The following UMAD1 variants were observed in gnomAD, a reference collection of about 807,000 sequenced individuals.
UMAD1 encodes the protein UBAP1-MVB12-associated (UMA)-domain containing protein 1.
Under a neutral mutation model 6.1 loss-of-function variants are expected in UMAD1, and 8 were observed. That is an observed-to-expected ratio of 1.30 (90% CI 0.76 to 2.35). The LOEUF (loss-of-function observed/expected upper bound fraction) is 2.35, where lower values mean the gene tolerates loss of function less well. Among genes scored for constraint, UMAD1 ranks in the 30% most tolerant of loss-of-function variants. UMAD1 has a pLI of 0.00. For missense variants in UMAD1, 130 were observed against 78.4 expected (o/e 1.66, Z -2.49); for synonymous variants, 56 against 31.4 (o/e 1.78, Z -2.61).
intron 2 of UMAD1, among the ~76,000 whole-genome samples, chr7:7,761,636 A>C (rs1456172318): frequency 6.6e-6 from 1 of 152,250 alleles, no homozygotes; most frequent in Non-Finnish European, 1.5e-5. Context: ...GTTAGTAGTG[A>C]CATTAATAGA....
rs530069862 is a variant in UMAD1, at chr7:7,738,242, A to G, written c.83-63428A>G. Among the ~76,000 whole-genome samples the G allele has an allele frequency of 2.6e-5, 4 of 152,350 alleles. No homozygotes were observed. In the South Asian group the frequency reaches 6.2e-4, roughly 24 times the overall value. ...TATATTTTGTAAAATTTTTTCCAGCATGGGATCTGACTCTCTGAACCTGAA... is the reference window on the plus strand; with the variant it reads ...TATATTTTGTAAAATTTTTTCCAGCGTGGGATCTGACTCTCTGAACCTGAA... On this transcript the variant is annotated intron_variant, in intron 2 of 3. Transcript: ENST00000682710.
intron 3 of UMAD1, among the ~76,000 whole-genome samples, chr7:7,824,253 C>G (rs1783300493): frequency 6.6e-6 from 1 of 152,098 alleles, no homozygotes; most frequent in Admixed American, 6.6e-5. Flanking sequence ...GGCTCACCTT[C>G]AGTAACTACT....
intron 3 of UMAD1, among the ~76,000 whole-genome samples, chr7:7,860,692 G>A (rs1297753748): frequency 3.3e-5 from 5 of 149,942 alleles, no homozygotes; most frequent in Non-Finnish European, 5.9e-5. Context: ...GGAGAATGGC[G>A]CGAACCCAGG....
chr7:7,671,709 C>A (rs1218210490), intron 1 of UMAD1, among the ~76,000 whole-genome samples: 1 of 151,936 alleles, frequency 6.6e-6, no homozygotes, highest in Non-Finnish European at 1.5e-5. Context: ...GTCTTTTCAT[C>A]CTTTTCTTTT....
intron 3 of UMAD1, among the ~76,000 whole-genome samples, chr7:7,841,637 G>A (rs1419364031): frequency 1.3e-5 from 2 of 152,066 alleles, no homozygotes; most frequent in African/African-American, 4.8e-5. Flanking sequence ...AATTGCATAC[G>A]AAAATATATT....
chr7:7,780,411 G>GTTT, intron 2 of UMAD1, among the ~76,000 whole-genome samples: 1 of 152,254 alleles, frequency 6.6e-6, no homozygotes, highest in South Asian at 2.1e-4. Flanking sequence ...TTTATGCACA[G>GTTT]ATATTTTATA....
intron 2 of UMAD1, among the ~76,000 whole-genome samples, chr7:7,751,627 C>T (rs1242525366): frequency 6.6e-6 from 1 of 152,132 alleles, no homozygotes; most frequent in Non-Finnish European, 1.5e-5. Context: ...CACCCAGCTC[C>T]TCCTGGGCTT....
In UMAD1 at chr7:7,817,462, TC is replaced by T. The variant is rs766391441; in HGVS notation, c.156+15720del. Among the ~76,000 whole-genome samples the T allele has an allele frequency of 5.7e-4, 87 of 152,320 alleles. 1 individual carries two copies. The Middle Eastern group carries it at 0.01, about 18-fold the overall frequency. On this transcript the variant is annotated intron_variant, in intron 3 of 3. Transcript: ENST00000682710. ...TAACTTTGGATAACCTCCTTACCTTTCGGTGCTAGAGTAATGGGAATATATT... is the reference window on the plus strand; with the variant it reads ...TAACTTTGGATAACCTCCTTACCTTTGGTGCTAGAGTAATGGGAATATATT...
intron 2 of UMAD1, among the ~76,000 whole-genome samples, chr7:7,793,362 A>G (rs1454141396): frequency 1.3e-5 from 2 of 152,176 alleles, no homozygotes; most frequent in Non-Finnish European, 2.9e-5. Flanking sequence ...TAGAATAATG[A>G]GTGTGACTGA....
At chr7:7,847,051 T>G in intron 3 of UMAD1, among the ~76,000 whole-genome samples, 2 of 13,854 alleles carry the variant, frequency 1.4e-4, no homozygotes, top group South Asian at 2.8e-3. Context: ...AAACTTAGAG[T>G]ATAATAAAAA....
At chr7:7,795,037 A>G (rs1423150249) in intron 2 of UMAD1, among the ~76,000 whole-genome samples, 3 of 152,208 alleles carry the variant, frequency 2.0e-5, no homozygotes, top group Admixed American at 1.3e-4. Flanking sequence ...TTTGAATCCA[A>G]CTATGACTTG....
At chr7:7,686,907 C>G (rs986390598) in intron 2 of UMAD1, among the ~76,000 whole-genome samples, 1 of 152,170 alleles carries the variant, frequency 6.6e-6, no homozygotes, top group Non-Finnish European at 1.5e-5. Context: ...CCCCACTTCC[C>G]TTATCCTGGA....
At chr7:7,649,311 G>C (rs1785169338) in intron 1 of UMAD1, among the ~76,000 whole-genome samples, 1 of 152,142 alleles carries the variant, frequency 6.6e-6, no homozygotes, top group African/African-American at 2.4e-5. Flanking sequence ...GACCATGAGA[G>C]AAATGTAAGG....
At chr7:7,681,239 C>A (rs1391507284) in intron 2 of UMAD1, among the ~76,000 whole-genome samples, 1 of 151,972 alleles carries the variant, frequency 6.6e-6, no homozygotes, top group African/African-American at 2.4e-5. Flanking sequence ...CTATTTTTTT[C>A]CACTTGAGAA....
chr7:7,870,216 C>T (rs6959805), intron 3 of UMAD1, among the ~76,000 whole-genome samples: 107,505 of 152,026 alleles, frequency 0.71, 38,455 homozygotes, highest in African/African-American at 0.82. Flanking sequence ...AGAATATTAA[C>T]TTTCTTTGTA....
intron 3 of UMAD1, among the ~76,000 whole-genome samples, chr7:7,814,849 G>A (rs759447863): frequency 9.2e-5 from 14 of 152,074 alleles, no homozygotes; most frequent in Non-Finnish European, 1.6e-4. Context: ...CCTCCAGTGC[G>A]ATGTGATTTC....
intron 3 of UMAD1, among the ~76,000 whole-genome samples, chr7:7,850,454 C>A (rs1316497695): frequency 6.6e-6 from 1 of 151,980 alleles, no homozygotes; most frequent in Non-Finnish European, 1.5e-5. Context: ...CATCTACTTC[C>A]CCCCAAAGAA....
chr7:7,729,432 C>CAGAT (rs1198063463), intron 2 of UMAD1, among the ~76,000 whole-genome samples: 1 of 152,240 alleles, frequency 6.6e-6, no homozygotes, highest in Non-Finnish European at 1.5e-5. Flanking sequence ...TTCTCTCAGA[C>CAGAT]AGATGCTCTC....
intron 2 of UMAD1, among the ~76,000 whole-genome samples, chr7:7,792,716 A>C (rs62434081): frequency 0.061 from 9,228 of 152,270 alleles, 394 homozygotes; most frequent in Non-Finnish European, 0.088. Flanking sequence ...TTGGACTGCT[A>C]TAACAAAATA....
Sources: gnomAD v4.1 joint callset for allele counts (sites outside exome capture counted in the v4.1 genomes callset) on GRCh38, gnomAD v4.1.1 for gene constraint, MANE v1.5 for transcripts, NCBI Gene and HGNC (gene_info 2026-07-23, HGNC 2026-07-21) for gene names.